Variants in SGCZ observed in about 807,000 individuals in gnomAD.
SGCZ encodes the protein sarcoglycan zeta, also known as zeta-sarcoglycan.
In SGCZ, 40 loss-of-function variants were observed where a neutral mutation model predicts 41.3. That is an observed-to-expected ratio of 0.97 (90% CI 0.75 to 1.26). The LOEUF is 1.26. Ranked by LOEUF, SGCZ falls within the 50% of genes most tolerant of loss-of-function variation. SGCZ has a pLI of 0.00. For synonymous variants in SGCZ, 206 were observed against 137.5 expected (o/e 1.50, Z -3.49); for missense variants, 552 against 369.8 (o/e 1.49, Z -4.04).
intron 4 of SGCZ, among the ~76,000 whole-genome samples, chr8:14,197,491 T>C (rs527284109): frequency 1.2e-4 from 19 of 152,198 alleles, no homozygotes; most frequent in African/African-American, 4.3e-4. Flanking sequence ...GCAAGGCTGG[T>C]ATGTTCAGCC....
At chr8:14,190,760 G>A (rs543303626) in intron 4 of SGCZ, among the ~76,000 whole-genome samples, 3 of 151,596 alleles carry the variant, frequency 2.0e-5, no homozygotes, top group Non-Finnish European at 2.9e-5. Context: ...CCTCCACCAC[G>A]CCCGGCTAAT....
At chr8:14,366,945 T>C (rs186784512) in intron 2 of SGCZ, among the ~76,000 whole-genome samples, 11 of 152,256 alleles carry the variant, frequency 7.2e-5, no homozygotes, top group South Asian at 4.1e-4. Context: ...GAAGTTAACA[T>C]TTGGGCTCTT....
intron 1 of SGCZ, among the ~76,000 whole-genome samples, chr8:14,966,954 T>C (rs1297180827): frequency 6.6e-6 from 1 of 152,158 alleles, no homozygotes; most frequent in East Asian, 1.9e-4. Flanking sequence ...CCAATTCTCA[T>C]TCACCTTCCA....
At chr8:14,481,556 T>C (rs943495285) in intron 2 of SGCZ, among the ~76,000 whole-genome samples, 5 of 152,214 alleles carry the variant, frequency 3.3e-5, no homozygotes, top group African/African-American at 1.2e-4. Context: ...TATCTCATTA[T>C]GGCTGAGTTT....
intron 2 of SGCZ, among the ~76,000 whole-genome samples, chr8:14,513,868 G>C (rs1802535257): frequency 6.6e-6 from 1 of 151,724 alleles, no homozygotes. Flanking sequence ...ACTACTCTCT[G>C]TGCATTTTTT....
chr8:14,859,691 G>A (rs1052719293), intron 1 of SGCZ, among the ~76,000 whole-genome samples: 78 of 152,138 alleles, frequency 5.1e-4, no homozygotes, highest in African/African-American at 1.8e-3. Flanking sequence ...AATTCCCAAA[G>A]TTACATCTGC....
At chr8:14,759,697 C>G (rs895022539) in intron 1 of SGCZ, among the ~76,000 whole-genome samples, 10 of 152,106 alleles carry the variant, frequency 6.6e-5, no homozygotes, top group Admixed American at 1.3e-4. Context: ...GCCAATTAGT[C>G]CCTTATGAAT....
chr8:14,944,311 A>G (rs1049739254), intron 1 of SGCZ, among the ~76,000 whole-genome samples: 2 of 152,206 alleles, frequency 1.3e-5, no homozygotes, highest in African/African-American at 4.8e-5. Context: ...CAACAGAAAC[A>G]TAAATGTGGC....
chr8:14,888,480 TAGAA>T (rs1804893311), intron 1 of SGCZ, among the ~76,000 whole-genome samples: 1 of 152,078 alleles, frequency 6.6e-6, no homozygotes, highest in Admixed American at 6.6e-5. Context: ...TGAAAGAATA[TAGAA>T]AGAAAGTATA....
At chr8:14,171,834 T>A (rs919437044) in intron 4 of SGCZ, among the ~76,000 whole-genome samples, 12 of 152,148 alleles carry the variant, frequency 7.9e-5, no homozygotes, top group African/African-American at 2.2e-4. Flanking sequence ...ACAGTAAGAT[T>A]TCTTGTTTCT....
intron 3 of SGCZ, among the ~76,000 whole-genome samples, chr8:14,283,015 A>C (rs1800502279): frequency 6.6e-6 from 1 of 150,432 alleles, no homozygotes. Context: ...ACGCCCGGCT[A>C]ATTTTTTGTA....
At chr8:15,129,027 C>G (rs900497084) in intron 1 of SGCZ, among the ~76,000 whole-genome samples, 4 of 152,200 alleles carry the variant, frequency 2.6e-5, no homozygotes. Context: ...CCTACCAGAT[C>G]TCATAGTGGA....
At chr8:15,071,169 T>A (rs942318228) in intron 1 of SGCZ, among the ~76,000 whole-genome samples, 2 of 152,190 alleles carry the variant, frequency 1.3e-5, no homozygotes, top group Non-Finnish European at 2.9e-5. Context: ...GTAATGTGGC[T>A]TAGGCTTTAT....
chr8:15,073,170 C>T (rs2131031255), intron 1 of SGCZ, among the ~76,000 whole-genome samples: 1 of 152,270 alleles, frequency 6.6e-6, no homozygotes, highest in Non-Finnish European at 1.5e-5. Context: ...GAGCTGCAAT[C>T]ATGCTGTGTC....
At position 14,141,746 on chromosome 8, in the gene SGCZ, AAG is replaced by A. The variant is rs1803376483; in HGVS notation, c.547+22832_547+22833del. On this transcript the variant is annotated intron_variant, in intron 5 of 7. Coordinates refer to ENST00000382080, the MANE Select transcript of SGCZ (RefSeq NM_139167.4). ...GTGTAAACTACTTCAACCATTGTGG[AAG>A]AGAGTGTGGCAATTCCTCAAGGATC... 2.0e-5 allele frequency among the ~76,000 whole-genome samples: 3 copies of A among 152,344 alleles called. No homozygotes were observed. In the South Asian group the frequency reaches 6.2e-4, roughly 32 times the overall value.
At chr8:15,080,138 G>A (rs1232506424) in intron 1 of SGCZ, among the ~76,000 whole-genome samples, 3 of 152,004 alleles carry the variant, frequency 2.0e-5, no homozygotes, top group African/African-American at 7.3e-5. Context: ...CGAGATATTT[G>A]CAGTGGAGGC....
At chr8:14,625,408 C>A (rs886153715) in intron 1 of SGCZ, among the ~76,000 whole-genome samples, 1 of 152,042 alleles carries the variant, frequency 6.6e-6, no homozygotes, top group Non-Finnish European at 1.5e-5. Flanking sequence ...AACTTATGAT[C>A]AAGACTGCAG....
At chr8:14,321,383 C>T (rs781255517) in intron 3 of SGCZ, among the ~76,000 whole-genome samples, 3 of 152,054 alleles carry the variant, frequency 2.0e-5, no homozygotes, top group East Asian at 3.9e-4. Flanking sequence ...AGATATTTAG[C>T]GATGGAGAGA....
intron 1 of SGCZ, among the ~76,000 whole-genome samples, chr8:14,883,293 A>G (rs1804664112): frequency 6.6e-6 from 1 of 151,156 alleles, no homozygotes; most frequent in Non-Finnish European, 1.5e-5. Flanking sequence ...TTTCTCCTGT[A>G]TTTTTCAGTT....
Sources: gnomAD v4.1 joint callset for allele counts (sites outside exome capture counted in the v4.1 genomes callset) on GRCh38, gnomAD v4.1.1 for gene constraint, MANE v1.5 for transcripts, NCBI Gene and HGNC (gene_info 2026-07-23, HGNC 2026-07-21) for gene names.